MCTS1: variants seen among roughly 807,000 people sequenced by gnomAD.
MCTS1 encodes the protein malignant T-cell-amplified sequence 1.
For synonymous variants in MCTS1, 26 were observed against 40.8 expected (o/e 0.64, Z 1.38); for missense variants, 55 against 128.6 (o/e 0.43, Z 2.77).
At chrX:120,611,799 G>A (rs756463490) in intron 5 of MCTS1, among the ~76,000 whole-genome samples, 36 of 112,363 alleles carry the variant, frequency 3.2e-4, no homozygotes, top group African/African-American at 1.1e-3. Flanking sequence ...TACAAGAAAT[G>A]TAGAATATTT....
rs1927022483 is a variant in MCTS1 at position 120,621,025 on chromosome X, T to C, written c.*8761T>C. On this transcript the variant is annotated 3_prime_UTR_variant, in exon 6 of 6. Transcript: ENST00000371317. Reference sequence around the variant, plus strand: ...GTGACTAGTTTGAATTAAGATGTGCTGTAACTAAAATACACCCTGGATTTC... The same window carrying C: ...GTGACTAGTTTGAATTAAGATGTGCCGTAACTAAAATACACCCTGGATTTC... 9.0e-6 allele frequency: 1 copy of C among 111,651 alleles called. No individual in the cohort carries two copies. Among genetic ancestry groups the C allele is most frequent in the African/African-American group, 3.3e-5 (1 of 30,729 alleles). 9.2% of individuals were successfully genotyped at this position (111,651 alleles called of 1,213,427 possible).
intron 3 of MCTS1, among the ~76,000 whole-genome samples, chrX:120,607,768 T>G (rs1926579404): frequency 9.0e-6 from 1 of 111,635 alleles, no homozygotes; most frequent in Admixed American, 9.6e-5. Flanking sequence ...CTAACATCCT[T>G]TGTGCTCCAC....
intron 2 of MCTS1, 134 bp downstream of exon 2, chrX:120,605,693 C>G (rs1410907714): frequency 4.7e-6 from 3 of 633,920 alleles, no homozygotes; most frequent in Non-Finnish European, 6.7e-6. Flanking sequence ...CAGAATAACT[C>G]TAAAACTCCA....
At chrX:120,609,246 G>A (rs927916878) in intron 4 of MCTS1, among the ~76,000 whole-genome samples, 2 of 111,720 alleles carry the variant, frequency 1.8e-5, no homozygotes, top group Admixed American at 9.5e-5. Flanking sequence ...GCAGTGGCAC[G>A]ATCTTGTCTC....
chrX:120,614,657 T>A lies in MCTS1; in HGVS notation c.*2393T>A, dbSNP rs1186281361. Among the ~76,000 whole-genome samples, 3 of 112,015 alleles carry A rather than the reference T, an allele frequency of 2.7e-5. No homozygotes were observed. The highest frequency in any genetic ancestry group is 3.8e-5 in the Non-Finnish European group (2 of 53,211). ...CTGACTTACTGGCTTCAAATTCAGA[T>A]GTCTCCCTATTTGGGGGAGGAGGCA... On this transcript the variant is annotated 3_prime_UTR_variant, in exon 6 of 6. Transcript: ENST00000371317.
intron 3 of MCTS1, among the ~76,000 whole-genome samples, chrX:120,607,906 T>C (rs943968077): frequency 9.0e-6 from 1 of 110,949 alleles, no homozygotes; most frequent in Non-Finnish European, 1.9e-5. Context: ...TTAAGTAGTC[T>C]CCAAAAACCA....
At chrX:120,604,936 TA>T (rs766673280) in intron 1 of MCTS1, 5 of 1,078,660 alleles carry the variant, frequency 4.6e-6, no homozygotes, top group South Asian at 2.3e-5. Context: ...TATCATCACT[TA>T]AAAAAAATCT....
rs1414624267 is a variant in MCTS1 at position 120,616,835 on chromosome X, C to T, written c.*4571C>T. Among the ~76,000 whole-genome samples, 2 of 112,478 alleles carry T rather than the reference C, an allele frequency of 1.8e-5. No homozygotes were observed. The highest frequency in any genetic ancestry group is 3.8e-5 in the Non-Finnish European group (2 of 53,322). On this transcript the variant is annotated 3_prime_UTR_variant, in exon 6 of 6. Transcript: ENST00000371317. Reference sequence around the variant, plus strand: ...TTTCTACTTAAAATCTTAGTTGTTACAGAGAATGACATGCCTCACTATTAA... The same window carrying T: ...TTTCTACTTAAAATCTTAGTTGTTATAGAGAATGACATGCCTCACTATTAA...
Position 120,613,437 on chromosome X carries a change from CTG to C in MCTS1, c.*1175_*1176del, listed in dbSNP as rs758842047. Among the ~76,000 whole-genome samples the C allele has an allele frequency of 8.9e-6, 1 of 112,386 alleles. No individual in the cohort carries two copies. The highest frequency in any genetic ancestry group is 2.8e-4 in the East Asian group (1 of 3,602). On this transcript the variant is annotated 3_prime_UTR_variant, in exon 6 of 6. Transcript: ENST00000371317. ...TTCTTAATATGATCAACTGTCTAGA[CTG>C]TTAATTCTCTTTAACTGTTGGTTTG...
Position 120,604,153 on chromosome X carries a change from T to G in MCTS1, c.-84T>G, listed in dbSNP as rs779314067. ...ACTGTCAGTGCCGGCCTTCCTCGTG[T>G]GAGGGGATCTGCCGGACCCCTGCAA... On this transcript the variant is annotated 5_prime_UTR_variant, in exon 1 of 6. Coordinates refer to ENST00000371317, the MANE Select transcript of MCTS1 (RefSeq NM_014060.3). 157 of 1,110,152 alleles carry G rather than the reference T, an allele frequency of 1.4e-4. No individual in the cohort carries two copies. Among genetic ancestry groups the G allele is most frequent in the Non-Finnish European group, 1.9e-4 (154 of 810,031 alleles). The allele number at this position is 1,110,152 out of a possible 1,213,427, so 91.5% of individuals were successfully genotyped here.
rs189668884 is a variant in MCTS1 at position 120,609,080 on chromosome X, G to C, written c.396+722G>C. ...AGATTTTTGTGACTATTCTGGACAG[G>C]AGAACATCTTCTCCTTTATCATAGC... On this transcript the variant is annotated intron_variant, in intron 4 of 5. Coordinates refer to ENST00000371317, the MANE Select transcript of MCTS1 (RefSeq NM_014060.3). Among the ~76,000 whole-genome samples the C allele has an allele frequency of 1.7e-4, 19 of 111,872 alleles. No homozygotes were observed. In the Middle Eastern group the frequency reaches 0.023, roughly 136 times the overall value.
chrX:120,611,265 T>C (rs1414931171), intron 5 of MCTS1, 187 bp downstream of exon 5: 4 of 403,797 alleles, frequency 9.9e-6, no homozygotes, highest in South Asian at 4.9e-5. Context: ...TTCAGGATTG[T>C]AGTCTTTCTT....
At position 120,616,721 on chromosome X, in the gene MCTS1, T is replaced by G. The variant is rs764269081; in HGVS notation, c.*4457T>G. ...AAAACATCTGAACTCATTAGTATAA[T>G]TAATACTTGCCTCTTAGAATGAAAA... On this transcript the variant is annotated 3_prime_UTR_variant, in exon 6 of 6. Transcript: ENST00000371317. 2.8e-4 allele frequency among the ~76,000 whole-genome samples: 31 copies of G among 112,330 alleles called. No homozygotes were observed. Among genetic ancestry groups the G allele is most frequent in the Middle Eastern group, 9.3e-3 (2 of 216 alleles).
At chrX:120,604,846 G>A (rs1926491600) in intron 1 of MCTS1, 1 of 1,157,311 alleles carries the variant, frequency 8.6e-7, no homozygotes, top group South Asian at 2.0e-5. Flanking sequence ...AAAAAGCAAA[G>A]GGGGAACATG....
rs140198088 is a variant in MCTS1 at position 120,613,204 on chromosome X, G to T, written c.*940G>T. On this transcript the variant is annotated 3_prime_UTR_variant, in exon 6 of 6. Coordinates refer to ENST00000371317, the MANE Select transcript of MCTS1 (RefSeq NM_014060.3). ...GCCTCCCAAAGTGCTGGGATTACAG[G>T]CATGAGCCACCGTGCCCAGCTAATT... Among the ~76,000 whole-genome samples, 1,461 of 110,695 alleles carry T rather than the reference G, an allele frequency of 0.013. 25 individuals carry two copies. Among genetic ancestry groups the T allele is most frequent in the African/African-American group, 0.045 (1,371 of 30,437 alleles).
chrX:120,604,169 A>T lies in MCTS1; in HGVS notation c.-68A>T, dbSNP rs1013062072. 9 of 1,160,733 alleles carry T rather than the reference A, an allele frequency of 7.8e-6. No homozygotes were observed. Among genetic ancestry groups the T allele is most frequent in the Non-Finnish European group, 1.1e-5 (9 of 853,074 alleles). On this transcript the variant is annotated 5_prime_UTR_variant, in exon 1 of 6. Coordinates refer to ENST00000371317, the MANE Select transcript of MCTS1 (RefSeq NM_014060.3). ...TTCCTCGTGTGAGGGGATCTGCCGG[A>T]CCCCTGCAAATTCAATTTCTTTCCC...
chrX:120,604,657 G>A (rs1459897177), intron 1 of MCTS1: 22 of 1,033,101 alleles, frequency 2.1e-5, no homozygotes, highest in Non-Finnish European at 2.6e-5. Flanking sequence ...GACTTCCTGG[G>A]TCATGGGAGT....
intron 1 of MCTS1, chrX:120,604,943 A>C: frequency 9.4e-7 from 1 of 1,066,119 alleles, no homozygotes; most frequent in South Asian, 2.4e-5. Flanking sequence ...ACTTAAAAAA[A>C]ATCTCAGCAG....
rs1248419946 is a variant in MCTS1, at chrX:120,613,203, G to A, written c.*939G>A. Among the ~76,000 whole-genome samples the A allele has an allele frequency of 9.0e-6, 1 of 110,776 alleles. No homozygotes were observed. The highest frequency in any genetic ancestry group is 1.9e-5 in the Non-Finnish European group (1 of 53,001). ...TGCCTCCCAAAGTGCTGGGATTACA[G>A]GCATGAGCCACCGTGCCCAGCTAAT... On this transcript the variant is annotated 3_prime_UTR_variant, in exon 6 of 6. Transcript: ENST00000371317.
Sources: allele counts gnomAD v4.1 joint callset (sites outside exome capture counted in the v4.1 genomes callset), GRCh38; gene constraint gnomAD v4.1.1; transcripts MANE v1.5; gene names NCBI Gene and HGNC (gene_info 2026-07-23, HGNC 2026-07-21).